The following MYOM2 variants were observed in gnomAD, a reference collection of about 807,000 sequenced individuals.
The protein encoded by MYOM2 is myomesin 2.
MYOM2 carries 254 observed loss-of-function variants against 187.6 expected under a neutral mutation model. That is an observed-to-expected ratio of 1.35 (90% CI 1.22 to 1.50). The LOEUF is 1.50. Among genes scored for constraint, MYOM2 ranks in the 40% most tolerant of loss-of-function variants. The pLI is 0.00. For missense variants in MYOM2, 2,796 were observed against 1,924.0 expected, an observed-to-expected ratio of 1.45 and a Z score of -8.48; for synonymous variants, 981 against 753.8, an observed-to-expected ratio of 1.30 and a Z score of -4.94.
At chr8:2,123,041 A>G (rs1299489874) in intron 28 of MYOM2, among the ~76,000 whole-genome samples, 2 of 152,174 alleles carry the variant, frequency 1.3e-5, no homozygotes, top group Admixed American at 6.5e-5. Flanking sequence ...AGCAACTGTG[A>G]GGACTTAATT....
At chr8:2,089,662 A>C (rs1030273198) in intron 14 of MYOM2, among the ~76,000 whole-genome samples, 1 of 152,242 alleles carries the variant, frequency 6.6e-6, no homozygotes, top group African/African-American at 2.4e-5. Flanking sequence ...TTTTATGAAT[A>C]TACTTCTAAA....
At position 2,102,741 on chromosome 8, in the gene MYOM2, C is replaced by T. The variant is rs147185978; in HGVS notation, c.2694C>T (p.Pro898=). 3.4e-4 allele frequency: 551 copies of T among 1,614,066 alleles called. No homozygotes were observed. The highest frequency in any genetic ancestry group is 4.4e-4 in the Non-Finnish European group (524 of 1,179,908). Residue 898 remains proline, a synonymous_variant, in exon 21 of 37, where the codon CCC becomes CCT. Coordinates refer to ENST00000262113, the MANE Select transcript of MYOM2 (RefSeq NM_003970.4). ...RAVNANGVGK[P]SDTSEPVLVE... The stretch of plus-strand genomic sequence containing the variant: ...TCAATGCAAATGGCGTGGGGAAGCC[C>T]TCAGACACGTCGGAGCCTGTGCTGG...
At chr8:2,100,556 A>T in intron 19 of MYOM2, 1 of 306,398 alleles carries the variant, frequency 3.3e-6, no homozygotes, top group Non-Finnish European at 6.2e-6. Flanking sequence ...GTGGAGGGTA[A>T]CTTGAGAACC....
chr8:2,142,037 C>G (rs1024409042), intron 34 of MYOM2, among the ~76,000 whole-genome samples: 1 of 149,504 alleles, frequency 6.7e-6, no homozygotes, highest in Admixed American at 6.7e-5. Context: ...TGACAAATTC[C>G]GAAAATATCT....
intron 26 of MYOM2, 35 bp from the exon 27 acceptor site, chr8:2,116,181 T>A (rs1797238047): frequency 6.3e-7 from 1 of 1,599,314 alleles, no homozygotes; most frequent in Non-Finnish European, 8.5e-7. Context: ...GAAGCAAACA[T>A]GTTTCATATA....
chr8:2,106,612 G>T lies in MYOM2; in HGVS notation c.2998+15G>T. On this transcript the variant is annotated intron_variant, in intron 23 of 36. Transcript: ENST00000262113. Reference sequence around the variant, plus strand: ...GGACCCAGAAGGTAATATTTATATGGCAGAACCTTGCCTGTTTTGGTTTTA... The same window carrying T: ...GGACCCAGAAGGTAATATTTATATGTCAGAACCTTGCCTGTTTTGGTTTTA... 1 of 1,554,578 alleles carries T rather than the reference G, an allele frequency of 6.4e-7. No homozygotes were observed. The highest frequency in any genetic ancestry group is 1.4e-5 in the African/African-American group (1 of 73,306).
At chr8:2,062,396 G>A (rs997921138) in intron 6 of MYOM2, among the ~76,000 whole-genome samples, 3 of 152,196 alleles carry the variant, frequency 2.0e-5, no homozygotes, top group Non-Finnish European at 4.4e-5. Flanking sequence ...GGGAGCGGGA[G>A]GGAGCAGGGG....
At chr8:2,050,042 C>T (rs768681749) in intron 1 of MYOM2, among the ~76,000 whole-genome samples, 1 of 152,158 alleles carries the variant, frequency 6.6e-6, no homozygotes, top group Non-Finnish European at 1.5e-5. Context: ...GGGGCATCTC[C>T]AGCCAGTCCC....
chr8:2,087,486 A>G (rs138118794), intron 14 of MYOM2, among the ~76,000 whole-genome samples: 2 of 152,278 alleles, frequency 1.3e-5, no homozygotes, highest in Non-Finnish European at 2.9e-5. Context: ...AAATATAGTT[A>G]TTTGTGTTAC....
At chr8:2,077,267 G>A (rs890038270) in intron 11 of MYOM2, among the ~76,000 whole-genome samples, 4 of 151,810 alleles carry the variant, frequency 2.6e-5, no homozygotes, top group Admixed American at 6.6e-5. Flanking sequence ...CCAAGATTGC[G>A]CCACTGGACT....
chr8:2,091,828 G>A (rs893879), intron 15 of MYOM2, among the ~76,000 whole-genome samples: 122,458 of 152,172 alleles, frequency 0.8, 50,918 homozygotes, highest in South Asian at 0.94. Flanking sequence ...TGGCCGGCAC[G>A]GAGGACACAG....
chr8:2,065,960 G>C (rs1162765147), intron 6 of MYOM2, among the ~76,000 whole-genome samples: 1 of 152,364 alleles, frequency 6.6e-6, no homozygotes, highest in African/African-American at 2.4e-5. Flanking sequence ...GTGGGGCGCA[G>C]TGTGAACGCT....
At chr8:2,081,103 T>C (rs1183894300) in intron 13 of MYOM2, among the ~76,000 whole-genome samples, 1 of 124,340 alleles carries the variant, frequency 8.0e-6, no homozygotes. Flanking sequence ...GCCCAGCCCG[T>C]GTAGAATGAG....
intron 32 of MYOM2, among the ~76,000 whole-genome samples, chr8:2,133,484 G>A (rs796398691): frequency 5.8e-4 from 89 of 152,216 alleles, no homozygotes; most frequent in African/African-American, 1.9e-3. Context: ...CGACAGAGTC[G>A]GAGTGTTGCT....
chr8:2,129,257 G>C (rs947627518), intron 32 of MYOM2, 25 bp downstream of exon 32: 1 of 1,542,720 alleles, frequency 6.5e-7, no homozygotes, highest in Non-Finnish European at 9.0e-7. Context: ...AGCCGATGGA[G>C]GCCATGCCAT....
chr8:2,076,094 C>T (rs1303703571), intron 10 of MYOM2, 47 bp from the exon 11 acceptor site: 9 of 1,575,858 alleles, frequency 5.7e-6, no homozygotes, highest in South Asian at 1.2e-5. Context: ...TGCAGTGACC[C>T]CAGCCTTTAA....
At chr8:2,083,234 T>C (rs983859599) in intron 13 of MYOM2, among the ~76,000 whole-genome samples, 2 of 152,062 alleles carry the variant, frequency 1.3e-5, no homozygotes, top group African/African-American at 4.8e-5. Flanking sequence ...CAATACTCAA[T>C]TGGGTGAGGG....
chr8:2,132,599 T>C (rs1015639337), intron 32 of MYOM2, among the ~76,000 whole-genome samples: 6 of 114,856 alleles, frequency 5.2e-5, no homozygotes, highest in Middle Eastern at 3.6e-3. Context: ...CTCTCTCTCT[T>C]TTTTTGAGAC....
At chr8:2,050,921 G>A (rs1563411328) in intron 2 of MYOM2, 48 bp downstream of exon 2, 1 of 1,437,774 alleles carries the variant, frequency 7.0e-7, no homozygotes, top group African/African-American at 1.4e-5. Context: ...GATTATGGGG[G>A]TCTGACATTT....
Sources: gnomAD v4.1 joint callset for allele counts (sites outside exome capture counted in the v4.1 genomes callset) on GRCh38, gnomAD v4.1.1 for gene constraint, MANE v1.5 for transcripts, NCBI Gene and HGNC (gene_info 2026-07-23, HGNC 2026-07-21) for gene names.